The following C10orf90 variants were observed in gnomAD, a reference collection of about 807,000 sequenced individuals.
C10orf90 encodes the protein (E2-independent) E3 ubiquitin-conjugating enzyme FATS.
Under a neutral mutation model 62.5 loss-of-function variants are expected in C10orf90, and 56 were observed. That is an observed-to-expected ratio of 0.90 (90% confidence interval 0.72 to 1.12). The LOEUF (loss-of-function observed/expected upper bound fraction) is 1.12. Among genes scored for constraint, C10orf90 ranks in the 50% most tolerant of loss-of-function variants. The probability of loss-of-function intolerance (pLI) is 0.00; values close to 1 mark genes in which losing one functional copy is unlikely to be tolerated. For synonymous variants in C10orf90, 386 were observed against 340.4 expected (o/e 1.13, Z -1.47); for missense variants, 970 against 880.4 (o/e 1.10, Z -1.29).
chr10:126,535,839 C>T (rs570487145), intron 2 of C10orf90, among the ~76,000 whole-genome samples: 2 of 152,264 alleles, frequency 1.3e-5, no homozygotes, highest in Non-Finnish European at 2.9e-5. Flanking sequence ...AGAGCTGCCC[C>T]TGCACTTCCA....
At chr10:126,521,201 A>T in intron 2 of C10orf90, 1 of 1,391,668 alleles carries the variant, frequency 7.2e-7, no homozygotes, top group Non-Finnish European at 1.0e-6. Flanking sequence ...GGGGCCTCAT[A>T]CAGTACTGGG....
intron 2 of C10orf90, among the ~76,000 whole-genome samples, chr10:126,586,936 G>A (rs1178066129): frequency 6.6e-6 from 1 of 152,162 alleles, no homozygotes; most frequent in Non-Finnish European, 1.5e-5. Context: ...GAATGCAAAG[G>A]GTCCTCAACG....
intron 2 of C10orf90, among the ~76,000 whole-genome samples, chr10:126,644,345 T>A (rs1282486204): frequency 6.6e-6 from 1 of 152,220 alleles, no homozygotes; most frequent in Non-Finnish European, 1.5e-5. Flanking sequence ...TTTAAACAAG[T>A]GCCCAGTGCA....
intron 1 of C10orf90, among the ~76,000 whole-genome samples, chr10:126,656,270 C>T (rs1280107509): frequency 6.6e-6 from 1 of 152,096 alleles, no homozygotes; most frequent in Non-Finnish European, 1.5e-5. Context: ...ATAATAACAT[C>T]AATAATAATG....
intron 2 of C10orf90, among the ~76,000 whole-genome samples, chr10:126,516,220 T>C (rs1041318994): frequency 6.6e-6 from 1 of 152,200 alleles, no homozygotes; most frequent in Non-Finnish European, 1.5e-5. Flanking sequence ...CCTGCAAAAA[T>C]GCTGCTTTGC....
chr10:126,664,144 T>A (rs1289613330), intron 1 of C10orf90, among the ~76,000 whole-genome samples: 1 of 152,310 alleles, frequency 6.6e-6, no homozygotes, highest in South Asian at 2.1e-4. Flanking sequence ...GACTAATCTC[T>A]GAATTGCTTG....
intron 7 of C10orf90, among the ~76,000 whole-genome samples, chr10:126,438,751 TTGTG>T (rs5788786): frequency 0.38 from 57,967 of 150,636 alleles, 11,367 homozygotes; most frequent in South Asian, 0.48. Flanking sequence ...TGTATGTATG[TTGTG>T]TGTGTGTGTG....
In C10orf90 at chr10:126,647,411, G is replaced by C. The variant is rs1018246773; in HGVS notation, c.241-774C>G. ...ATTGTGAGCCTCAGTTCATGTCCCA[G>C]TCCCGAAGCTGAGTTAAACTTTTTG... On this transcript the variant is annotated intron_variant, in intron 1 of 9. Transcript: ENST00000488181. 2.6e-5 allele frequency among the ~76,000 whole-genome samples: 4 copies of C among 152,202 alleles called. No individual in the cohort carries two copies. The East Asian group carries it at 7.7e-4, about 29-fold the overall frequency.
chr10:126,461,315 G>A (rs1859958461), intron 6 of C10orf90, 86 bp downstream of exon 6: 3 of 1,475,890 alleles, frequency 2.0e-6, no homozygotes, highest in South Asian at 1.3e-5. Flanking sequence ...AGCCTCAGAG[G>A]TGCAAGTGAG....
At chr10:126,523,106 A>T (rs1036455) in intron 2 of C10orf90, among the ~76,000 whole-genome samples, 135,124 of 152,316 alleles carry the variant, frequency 0.89, 60,117 homozygotes, top group African/African-American at 0.96. Flanking sequence ...AAGACATTTT[A>T]AAAGCCTATT....
rs887870124 is a variant in C10orf90, at chr10:126,456,800, G to A, written c.2188+2240C>T. The stretch of plus-strand genomic sequence containing the variant: ...AGACAGAGGCAGAGACTGTAGTGCC[G>A]CATCTACAAACCAAGGAACATCAAG... On this transcript the variant is annotated intron_variant, in intron 7 of 9. Transcript: ENST00000488181. This position sits in a 1 kb window ranked among gnomAD's most constrained non-coding sequence, Gnocchi z 4.9. Among the ~76,000 whole-genome samples the A allele has an allele frequency of 1.1e-4, 17 of 152,092 alleles. No homozygotes were observed. Among genetic ancestry groups the A allele is most frequent in the South Asian group, 2.1e-4 (1 of 4,822 alleles).
chr10:126,654,288 A>G (rs1276106000), intron 1 of C10orf90, among the ~76,000 whole-genome samples: 1 of 152,228 alleles, frequency 6.6e-6, no homozygotes, highest in Admixed American at 6.5e-5. Context: ...GTCTCCATTG[A>G]AAATCTGTTG....
rs1857550402 is a variant in C10orf90 at position 126,431,196 on chromosome 10, T to C, written c.2189-1346A>G. Among the ~76,000 whole-genome samples the C allele has an allele frequency of 1.3e-5, 2 of 152,248 alleles. 1 individual carries two copies. Among genetic ancestry groups the C allele is most frequent in the South Asian group, 4.1e-4 (2 of 4,830 alleles). On this transcript the variant is annotated intron_variant, in intron 7 of 9. Coordinates refer to ENST00000488181, the MANE Select transcript of C10orf90 (RefSeq NM_001350921.2). ...AGGGTGTGAAGTACAGTGTTAGCACTTAACTTACTTTATGGAGAACAATGC... is the reference window on the plus strand; with the variant it reads ...AGGGTGTGAAGTACAGTGTTAGCACCTAACTTACTTTATGGAGAACAATGC...
At chr10:126,565,234 T>C (rs1417413382) in intron 2 of C10orf90, among the ~76,000 whole-genome samples, 6 of 57,320 alleles carry the variant, frequency 1.0e-4, no homozygotes, top group African/African-American at 3.4e-4. Flanking sequence ...TTACATATTA[T>C]GTAATATAAT....
At chr10:126,606,796 C>A (rs1382411759) in intron 2 of C10orf90, among the ~76,000 whole-genome samples, 1 of 152,180 alleles carries the variant, frequency 6.6e-6, no homozygotes, top group Non-Finnish European at 1.5e-5. Context: ...ACTATTCACA[C>A]AAATGCTGTG....
intron 2 of C10orf90, among the ~76,000 whole-genome samples, chr10:126,583,962 T>C (rs1844805651): frequency 6.6e-6 from 1 of 151,776 alleles, no homozygotes; most frequent in Non-Finnish European, 1.5e-5. Context: ...CTTAAAAAAA[T>C]ACAAAAAATT....
At chr10:126,480,801 C>T (rs75636234) in intron 4 of C10orf90, among the ~76,000 whole-genome samples, 2,020 of 152,336 alleles carry the variant, frequency 0.013, 43 homozygotes, top group African/African-American at 0.045. Context: ...TCTCCATCCC[C>T]ACCTGTACCA....
intron 2 of C10orf90, among the ~76,000 whole-genome samples, chr10:126,638,131 G>A (rs569868677): frequency 6.6e-6 from 1 of 152,148 alleles, no homozygotes; most frequent in Non-Finnish European, 1.5e-5. Flanking sequence ...CGGGCTCTAG[G>A]TCGGGGTTCA....
intron 2 of C10orf90, among the ~76,000 whole-genome samples, chr10:126,627,533 G>T (rs927786350): frequency 2.6e-5 from 4 of 151,812 alleles, no homozygotes; most frequent in Non-Finnish European, 4.4e-5. Context: ...AATTCCAGAA[G>T]TTTGGCAGCT....
Sources: allele counts gnomAD v4.1 joint callset (sites outside exome capture counted in the v4.1 genomes callset), GRCh38; gene constraint gnomAD v4.1.1; non-coding constraint Gnocchi (gnomAD v3.1); transcripts MANE v1.5; gene names NCBI Gene and HGNC (gene_info 2026-07-23, HGNC 2026-07-21).